The following GPR179 variants were observed in gnomAD, a reference collection of about 807,000 sequenced individuals.
The protein encoded by GPR179 is probable G protein-coupled receptor 179.
Under a neutral mutation model 70.8 loss-of-function variants are expected in GPR179, and 52 were observed. The observed-to-expected ratio is 0.73, with a 90% CI of 0.59 to 0.93. The LOEUF (loss-of-function observed/expected upper bound fraction) is 0.93, where lower values mean the gene tolerates loss of function less well. GPR179 is among the 40% of genes least tolerant of loss of function. The pLI, the probability that GPR179 is intolerant of heterozygous loss-of-function variation, is 0.00. For synonymous variants in GPR179, 1,123 were observed against 1,169.0 expected (o/e 0.96, Z 0.80); for missense variants, 2,734 against 2,966.8 (o/e 0.92, Z 1.82).
At chr17:38,339,614 T>C in intron 1 of GPR179, 89 bp from the exon 2 acceptor site, 1 of 890,966 alleles carries the variant, frequency 1.1e-6, no homozygotes, top group Non-Finnish European at 1.9e-6. Flanking sequence ...CAGAAAATGA[T>C]GCTCGGAATT....
chr17:38,333,725 T>C (rs1319553140), intron 9 of GPR179, among the ~76,000 whole-genome samples: 1 of 152,156 alleles, frequency 6.6e-6, no homozygotes, highest in African/African-American at 2.4e-5. Flanking sequence ...AGCCCTGGGT[T>C]TTCTTTCCCT....
Position 38,333,998 on chromosome 17 carries a change from G to A in GPR179, c.1825C>T (p.Leu609Phe). 6.2e-7 allele frequency: 1 copy of A among 1,613,970 alleles called. No individual in the cohort carries two copies. The highest frequency in any genetic ancestry group is 1.1e-5 in the South Asian group (1 of 91,014). ...CTGTGGGTGTGGAAGAAGAAGAGGA[G>A]GAGGGTCCAGTCCGGGTGCAGAGAG... ...VPSLHPDWTL[L>F]LFFFHTHSTV... is the part of the protein sequence containing the mutation. Residue 609 changes from leucine (L) to phenylalanine (F), a missense_variant, in exon 9 of 11, where the codon CTC becomes TTC. Physicochemically the swap from Leu to Phe is conservative, Grantham distance 22. Coordinates refer to ENST00000616987, the MANE Select transcript of GPR179 (RefSeq NM_001004334.4).
intron 10 of GPR179, 109 bp downstream of exon 10, chr17:38,333,142 A>G (rs1318155756): frequency 1.8e-5 from 17 of 955,450 alleles, no homozygotes; most frequent in Non-Finnish European, 1.4e-5. Context: ...CAGGTCTTGG[A>G]GGGAAGAGGA....
rs2144283855 is a variant in GPR179 at position 38,343,721 on chromosome 17, G to A, written c.69C>T (p.Ala23=). 6.4e-7 allele frequency: 1 copy of A among 1,574,552 alleles called. No homozygotes were observed. ...TGGGCCGTGGACCCCCCAGAGCCCAGGCACAGACAAAACAGCAGCCCAGCA... is the reference window on the plus strand; with the variant it reads ...TGGGCCGTGGACCCCCCAGAGCCCAAGCACAGACAAAACAGCAGCCCAGCA... The part of the protein sequence containing the change: ...WGLLGCCFVC[A]WALGGPRPIR... The change falls in exon 1 of 11, where the codon GCC becomes GCT. Residue 23 remains alanine (A), a synonymous_variant. Transcript: ENST00000616987. The surrounding 1 kb of genome is among the most constrained non-coding windows in gnomAD (Gnocchi z 4.2).
Position 38,328,696 on chromosome 17 carries a change from C to T in GPR179, c.4873G>A (p.Gly1625Arg). The T allele has an allele frequency of 1.9e-6, 3 of 1,614,116 alleles. No homozygotes were observed. The highest frequency in any genetic ancestry group is 2.5e-6 in the Non-Finnish European group (3 of 1,180,020). The stretch of plus-strand genomic sequence containing the variant: ...GTGACATCTTCGATTTCCGATTTTC[C>T]AGGCATTTTCTCCTTGTCCTTTTGA... ...ESQKDKEKMP[G>R]KSEIEDVTAW... The change falls in exon 11 of 11, where the codon GGA (glycine) becomes AGA (arginine). Residue 1625 changes from glycine (G) to arginine (R), a missense_variant. Coordinates refer to ENST00000616987, the MANE Select transcript of GPR179 (RefSeq NM_001004334.4).
intron 1 of GPR179, among the ~76,000 whole-genome samples, chr17:38,341,354 C>G (rs748126720): frequency 6.6e-6 from 1 of 152,192 alleles, no homozygotes; most frequent in Non-Finnish European, 1.5e-5. Flanking sequence ...CATGCATGTA[C>G]ACACGCACAC....
Position 38,329,818 on chromosome 17 carries a change from A to G in GPR179, c.3751T>C (p.Ser1251Pro). Residue 1251 changes from serine (S) to proline (P), a missense_variant, in exon 11 of 11, where the codon TCA (serine) becomes CCA (proline). Ser to Pro is a moderately conservative substitution (Grantham distance 74). Coordinates refer to ENST00000616987, the MANE Select transcript of GPR179 (RefSeq NM_001004334.4). ...AEVCPWEVTE[S>P]ETRQPDSGNK... Reference sequence around the variant, plus strand: ...CCACTGTCTGGCTGACGCGTTTCTGATTCAGTGACCTCCCAGGGGCATACC... The same window carrying G: ...CCACTGTCTGGCTGACGCGTTTCTGGTTCAGTGACCTCCCAGGGGCATACC... 6.2e-7 allele frequency: 1 copy of G among 1,613,578 alleles called. No homozygotes were observed. Among genetic ancestry groups the G allele is most frequent in the Non-Finnish European group, 8.5e-7 (1 of 1,179,922 alleles).
rs368199804 is a variant in GPR179, at chr17:38,328,080, C to T, written c.5489G>A (p.Gly1830Glu). The T allele has an allele frequency of 6.2e-6, 10 of 1,614,082 alleles. No homozygotes were observed. Among genetic ancestry groups the T allele is most frequent in the Non-Finnish European group, 7.6e-6 (9 of 1,180,042 alleles). Residue 1830 changes from glycine to glutamate, a missense_variant, in exon 11 of 11, where the codon GGA (glycine) becomes GAA (glutamate). Coordinates refer to ENST00000616987, the MANE Select transcript of GPR179 (RefSeq NM_001004334.4). ...TTCACTCCCTGCCTTTTGGTCCAAT[C>T]CCTTCCCAGTAGTTCCTTCACTTAC... is the stretch of plus-strand genomic sequence containing the variant. ...WEVSEGTTGK[G>E]LDQKAGSESA...
chr17:38,337,546 C>T lies in GPR179; in HGVS notation c.991+87G>A, dbSNP rs1164748194. Reference sequence around the variant, plus strand: ...CCACAAGTTCCCTCCCAGTGTCTCACCCCAATCTGGCTTTCTTCCCCAGAT... The same window carrying T: ...CCACAAGTTCCCTCCCAGTGTCTCATCCCAATCTGGCTTTCTTCCCCAGAT... On this transcript the variant is annotated intron_variant, in intron 3 of 10. Transcript: ENST00000616987. 7.6e-6 allele frequency: 9 copies of T among 1,187,980 alleles called. No homozygotes were observed. In the African/African-American group the frequency reaches 9.3e-5, roughly 12 times the overall value. 73.6% of individuals were successfully genotyped at this position (1,187,980 alleles called of 1,614,324 possible).
rs1167324676 is a variant in GPR179, at chr17:38,328,666, A to C, written c.4903T>G (p.Trp1635Gly). 6.2e-7 allele frequency: 1 copy of C among 1,614,026 alleles called. No individual in the cohort carries two copies. The highest frequency in any genetic ancestry group is 1.1e-5 in the South Asian group (1 of 91,078). The change falls in exon 11 of 11, where the codon TGG becomes GGG. Residue 1635 changes from tryptophan to glycine, a missense_variant. Physicochemically the swap from Trp to Gly is radical, Grantham distance 184 (BLOSUM62 -2). Coordinates refer to ENST00000616987, the MANE Select transcript of GPR179 (RefSeq NM_001004334.4). Reference protein sequence around the residue: ...GKSEIEDVTAWEKPEGQIQKQ... With the variant: ...GKSEIEDVTAGEKPEGQIQKQ... ...TGGATCTGCCCCTCAGGCTTTTCCC[A>C]AGCTGTGACATCTTCGATTTCCGAT... is the stretch of plus-strand genomic sequence containing the variant.
At chr17:38,341,344 C>T (rs2037447231) in intron 1 of GPR179, among the ~76,000 whole-genome samples, 1 of 152,210 alleles carries the variant, frequency 6.6e-6, no homozygotes, top group Non-Finnish European at 1.5e-5. Context: ...CACACTTCCT[C>T]ATGCATGTAC....
chr17:38,334,878 C>A lies in GPR179; in HGVS notation c.1646-36G>T, dbSNP rs1413053292. On this transcript the variant is annotated intron_variant, in intron 7 of 10. Coordinates refer to ENST00000616987, the MANE Select transcript of GPR179 (RefSeq NM_001004334.4). This position sits in a 1 kb window ranked among gnomAD's most constrained non-coding sequence, Gnocchi z 4.7. The stretch of plus-strand genomic sequence containing the variant: ...ACAGGGAGGGAGAGAGCCGGCACCA[C>A]CTCAGCAGCTGTCCCACCCCTTTCT... 2.5e-6 allele frequency: 4 copies of A among 1,607,382 alleles called. No individual in the cohort carries two copies. Among genetic ancestry groups the A allele is most frequent in the Non-Finnish European group, 3.4e-6 (4 of 1,177,486 alleles).
At chr17:38,341,530 G>GCCTGCTGGCAGGAGGAGAAC (rs2037448727) in intron 1 of GPR179, among the ~76,000 whole-genome samples, 1 of 152,248 alleles carries the variant, frequency 6.6e-6, no homozygotes, top group Non-Finnish European at 1.5e-5. Flanking sequence ...GAGCCAGGCT[G>GCCTGCTGGCAGGAGGAGAAC]CCTGCTGGCA....
Position 38,328,754 on chromosome 17 carries a change from C to T in GPR179, c.4815G>A (p.Trp1605Ter). The change falls in exon 11 of 11, where the codon TGG (tryptophan) becomes TGA (stop). Residue 1605 changes from tryptophan (W) to a stop codon, truncating the protein, a stop_gained. Coordinates refer to ENST00000616987, the MANE Select transcript of GPR179 (RefSeq NM_001004334.4). LOFTEE classifies it low-confidence loss of function (END_TRUNC). ...WEVNERTREE[W>*]TSAQVPRGGE... ...CTCCTCTTGGCACCTGTGCTGATGT[C>T]CATTCCTCTCTTGTTCTTTCATTTA... The T allele has an allele frequency of 1.2e-6, 2 of 1,613,898 alleles. No individual in the cohort carries two copies. The highest frequency in any genetic ancestry group is 8.5e-7 in the Non-Finnish European group (1 of 1,179,956).
Position 38,329,181 on chromosome 17 carries a change from C to T in GPR179, c.4388G>A (p.Cys1463Tyr). The stretch of plus-strand genomic sequence containing the variant: ...AGGAGCATCTCCTGCCTCCCACAGA[C>T]ACACTTCAGCAATGCCACTGCCCAA... ...GSLGSGIAEVCLWEAGDAPAI... is the reference protein window; with the variant it reads ...GSLGSGIAEVYLWEAGDAPAI... Residue 1463 changes from cysteine (C) to tyrosine (Y), a missense_variant, in exon 11 of 11, where the codon TGT becomes TAT. Transcript: ENST00000616987. 1 of 1,613,986 alleles carries T rather than the reference C, an allele frequency of 6.2e-7. No homozygotes were observed. Among genetic ancestry groups the T allele is most frequent in the Non-Finnish European group, 8.5e-7 (1 of 1,179,994 alleles).
At chr17:38,340,536 C>T (rs1474441814) in intron 1 of GPR179, among the ~76,000 whole-genome samples, 5 of 152,198 alleles carry the variant, frequency 3.3e-5, no homozygotes, top group South Asian at 2.1e-4. Flanking sequence ...CCCACCTGGG[C>T]GTCCCAAAGT....
chr17:38,324,980 G>C lies in GPR179; in HGVS notation c.*1485C>G, dbSNP rs1407819175. Among the ~76,000 whole-genome samples, 1 of 151,678 alleles carries C rather than the reference G, an allele frequency of 6.6e-6. No individual in the cohort carries two copies. The highest frequency in any genetic ancestry group is 1.5e-5 in the Non-Finnish European group (1 of 67,924). On this transcript the variant is annotated 3_prime_UTR_variant, in exon 11 of 11. Coordinates refer to ENST00000616987, the MANE Select transcript of GPR179 (RefSeq NM_001004334.4). ...TTCCCTTTGGGTATTTGGTCTCCCTGTTTGTCTTTTTCTCCCCATGAATGA... is the reference window on the plus strand; with the variant it reads ...TTCCCTTTGGGTATTTGGTCTCCCTCTTTGTCTTTTTCTCCCCATGAATGA...
Position 38,329,474 on chromosome 17 carries a change from A to C in GPR179, c.4095T>G (p.Ala1365=), listed in dbSNP as rs2144259670. The C allele has an allele frequency of 6.2e-7, 1 of 1,613,678 alleles. No individual in the cohort carries two copies. Among genetic ancestry groups the C allele is most frequent in the East Asian group, 2.2e-5 (1 of 44,862 alleles). ...CAGGGGTATGAGCTTCTGGGCCAGC[A>C]GCTTCCCACCCAGGCTTCTCCACCT... The part of the protein sequence containing the change: ...ARKVEKPGWE[A]AGPEAHTPDI... The change falls in exon 11 of 11, where the codon GCT becomes GCG. Residue 1365 remains alanine (A), a synonymous_variant. Transcript: ENST00000616987.
rs1423474533 is a variant in GPR179, at chr17:38,329,851, C to A, written c.3718G>T (p.Val1240Leu). 1 of 1,613,940 alleles carries A rather than the reference C, an allele frequency of 6.2e-7. No homozygotes were observed. The highest frequency in any genetic ancestry group is 8.5e-7 in the Non-Finnish European group (1 of 1,179,984). Residue 1240 changes from valine (V) to leucine (L), a missense_variant, in exon 11 of 11, where the codon GTG becomes TTG. By Grantham distance (32) the Val-to-Leu change is conservative. Transcript: ENST00000616987. ...ACCTCCCAGGGGCATACCTCTGCCACCCTGTGGTCAGCGCTGCCCAGGGAC... is the reference window on the plus strand; with the variant it reads ...ACCTCCCAGGGGCATACCTCTGCCAACCTGTGGTCAGCGCTGCCCAGGGAC... ...LQSLGSADHR[V>L]AEVCPWEVTE...
Sources: allele counts gnomAD v4.1 joint callset (sites outside exome capture counted in the v4.1 genomes callset), GRCh38; gene constraint gnomAD v4.1.1; non-coding constraint Gnocchi (gnomAD v3.1); transcripts MANE v1.5; gene names NCBI Gene and HGNC (gene_info 2026-07-23, HGNC 2026-07-21).